Variants in CFAP99 observed in about 807,000 individuals in gnomAD.
The protein encoded by CFAP99 is cilia and flagella associated protein 99, also known as cilia- and flagella-associated protein 99.
In CFAP99, 84 loss-of-function variants were observed where a neutral mutation model predicts 82.7. The ratio of observed to expected loss-of-function variants is 1.02; its 90% CI spans 0.85 to 1.22. The LOEUF (loss-of-function observed/expected upper bound fraction) is 1.22. Among genes scored for constraint, CFAP99 ranks in the 50% most tolerant of loss-of-function variants. The pLI, the probability that CFAP99 is intolerant of heterozygous loss-of-function variation, is 0.00. For synonymous variants in CFAP99, 456 were observed against 429.5 expected, an observed-to-expected ratio of 1.06 and a Z score of -0.76; for missense variants, 1,059 against 983.5, an observed-to-expected ratio of 1.08 and a Z score of -1.03.
At chr4:2,429,508 A>G (rs1578465009) in intron 2 of CFAP99, among the ~76,000 whole-genome samples, 1 of 152,290 alleles carries the variant, frequency 6.6e-6, no homozygotes, top group East Asian at 1.9e-4. Flanking sequence ...GGGGCTGCCC[A>G]GCATGGATCT....
chr4:2,449,742 A>G (rs979816818), exon 7 of CFAP99: 3 of 1,536,078 alleles, frequency 2.0e-6, no homozygotes, highest in African/African-American at 2.7e-5. Context: ...CAACCGCCGA[A>G]AGGCCGAGGT....
At position 2,462,724 on chromosome 4, in the gene CFAP99, G is replaced by A; in HGVS notation, c.1943G>A (p.Arg648Gln). Residue 648 changes from arginine (R) to glutamine (Q), a missense_variant, in exon 15 of 15, where the codon CGG becomes CAG. Arg to Gln is a conservative substitution (Grantham distance 43). Coordinates refer to ENST00000635017, the Ensembl canonical transcript of CFAP99. This position sits in a 1 kb window ranked among gnomAD's most constrained non-coding sequence, Gnocchi z 4.1. ...CGGGGATGGCGGGGAGATCGGGTCCGGTCCGCGGCCGGGAGATACGCAGCG... is the reference window on the plus strand; with the variant it reads ...CGGGGATGGCGGGGAGATCGGGTCCAGTCCGCGGCCGGGAGATACGCAGCG... The A allele has an allele frequency of 1.6e-6, 2 of 1,243,240 alleles. No individual in the cohort carries two copies. Among genetic ancestry groups the A allele is most frequent in the Non-Finnish European group, 2.0e-6 (2 of 990,766 alleles). The allele number at this position is 1,243,240 out of a possible 1,614,324, so 77.0% of individuals were successfully genotyped here.
chr4:2,462,983 A>C, downstream of CFAP99: 1 of 1,004,694 alleles, frequency 1.0e-6, no homozygotes, highest in Non-Finnish European at 1.3e-6. This position sits in a 1 kb window ranked among gnomAD's most constrained non-coding sequence, Gnocchi z 4.1. Flanking sequence ...CGCCGCCCCA[A>C]TAAAGAGTGC....
chr4:2,421,831 C>T (rs1733590973), intron 1 of CFAP99, among the ~76,000 whole-genome samples: 1 of 148,468 alleles, frequency 6.7e-6, no homozygotes, highest in African/African-American at 2.5e-5. Flanking sequence ...CGCTTCAGGC[C>T]AGGAGTTCAA....
chr4:2,433,254 A>T (rs916031373), intron 2 of CFAP99, among the ~76,000 whole-genome samples: 1 of 152,116 alleles, frequency 6.6e-6, no homozygotes, highest in Non-Finnish European at 1.5e-5. Context: ...CCAAACACAG[A>T]CGTCATTGAT....
chr4:2,432,056 T>A (rs1284872348), intron 2 of CFAP99, among the ~76,000 whole-genome samples: 2 of 152,226 alleles, frequency 1.3e-5, no homozygotes. Context: ...TCTTTGCTCA[T>A]ATGAGAAGCA....
At chr4:2,452,614 G>A (rs1399822201) in intron 11 of CFAP99, among the ~76,000 whole-genome samples, 2 of 152,302 alleles carry the variant, frequency 1.3e-5, no homozygotes, top group Admixed American at 6.5e-5. Flanking sequence ...CCAGGAGGCC[G>A]GCCTGTATAC....
intron 11 of CFAP99, among the ~76,000 whole-genome samples, chr4:2,452,590 G>A (rs556374446): frequency 2.6e-5 from 4 of 152,278 alleles, no homozygotes; most frequent in Admixed American, 1.3e-4. Flanking sequence ...CTGGACCAGC[G>A]GGGAGCCTCA....
chr4:2,446,256 G>T lies in CFAP99; in HGVS notation c.642+948G>T, dbSNP rs1029302877. Among the ~76,000 whole-genome samples, 1 of 152,120 alleles carries T rather than the reference G, an allele frequency of 6.6e-6. No homozygotes were observed. The highest frequency in any genetic ancestry group is 1.5e-5 in the Non-Finnish European group (1 of 68,018). ...CTGGCTCCTTTTCTTCACCGAATTG[G>T]AGTTTAGAGTTGTTTAGTAATTTGT... On this transcript the variant is annotated intron_variant, in intron 6 of 14. Coordinates refer to ENST00000635017, the Ensembl canonical transcript of CFAP99. This position sits in a 1 kb window ranked among gnomAD's most constrained non-coding sequence, Gnocchi z 5.0.
rs554719372 is a variant in CFAP99 at position 2,443,118 on chromosome 4, C to A, written c.352-12C>A. On this transcript the variant is annotated splice_polypyrimidine_tract_variant and intron_variant, in intron 4 of 14. Coordinates refer to ENST00000635017, the Ensembl canonical transcript of CFAP99. ...AGGGCTCCGGCCCCCTGACAGCCCC[C>A]GTCCACCCCAGTTCCTCAGGTTCTT... 1.9e-5 allele frequency: 28 copies of A among 1,467,588 alleles called. No homozygotes were observed. In the East Asian group the frequency reaches 5.2e-4, roughly 27 times the overall value. 90.9% of individuals were successfully genotyped at this position (1,467,588 alleles called of 1,614,324 possible).
exon 6 of CFAP99, chr4:2,445,260 C>T (rs1303081074): frequency 7.8e-6 from 11 of 1,414,698 alleles, no homozygotes; most frequent in Non-Finnish European, 9.2e-6. Context: ...CCAGGCCCCG[C>T]ACCATTCCAG....
At chr4:2,434,727 C>T (rs946730203) in intron 2 of CFAP99, among the ~76,000 whole-genome samples, 1 of 152,222 alleles carries the variant, frequency 6.6e-6, no homozygotes, top group African/African-American at 2.4e-5. Context: ...ATCCCCCAAT[C>T]TTGCCCCTAC....
intron 5 of CFAP99, among the ~76,000 whole-genome samples, chr4:2,444,629 C>G (rs1425418078): frequency 6.6e-6 from 1 of 152,086 alleles, no homozygotes; most frequent in African/African-American, 2.4e-5. Flanking sequence ...CGACAGCACC[C>G]CCACCCAGAG....
intron 11 of CFAP99, among the ~76,000 whole-genome samples, chr4:2,457,787 G>C (rs114455979): frequency 6.6e-6 from 1 of 152,240 alleles, no homozygotes; most frequent in Admixed American, 6.5e-5. Context: ...ATTCCGTGCC[G>C]AGGCTGGTGC....
intron 6 of CFAP99, among the ~76,000 whole-genome samples, chr4:2,447,970 T>C (rs1393623797): frequency 6.6e-6 from 1 of 150,908 alleles, no homozygotes; most frequent in East Asian, 2.0e-4. Context: ...GATGGATGGA[T>C]GGATGGATGG....
chr4:2,450,285 A>G (rs1435048505), intron 8 of CFAP99: 1 of 498,002 alleles, frequency 2.0e-6, no homozygotes, highest in Non-Finnish European at 3.7e-6. Context: ...ATGTTCCGTG[A>G]CAAGCATTTC....
intron 6 of CFAP99, among the ~76,000 whole-genome samples, chr4:2,447,808 TAATG>T (rs1294571569): frequency 1.2e-5 from 1 of 84,234 alleles, no homozygotes; most frequent in Non-Finnish European, 2.2e-5. Context: ...GTAGGTGAAT[TAATG>T]GATGGATGGG....
rs778653308 is a variant in CFAP99 at position 2,436,935 on chromosome 4, G to A, written c.173G>A (p.Arg58Gln). ...GTTCTGTCTGGGTGCCTCGAGTACC[G>A]GAAGCTGCTGACCGTCGTGGTGGAT... Residue 58 changes from arginine to glutamine, a missense_variant, in exon 3 of 15, where the codon CGG (arginine) becomes CAG (glutamine). Arg to Gln is a conservative substitution (Grantham distance 43, BLOSUM62 1). Transcript: ENST00000635017. 2.0e-5 allele frequency: 31 copies of A among 1,535,920 alleles called. No individual in the cohort carries two copies. The highest frequency in any genetic ancestry group is 9.8e-5 in the East Asian group (4 of 40,916).
chr4:2,432,566 C>T (rs1733819857), intron 2 of CFAP99, among the ~76,000 whole-genome samples: 1 of 152,164 alleles, frequency 6.6e-6, no homozygotes, highest in African/African-American at 2.4e-5. Flanking sequence ...CCTGGCCCCA[C>T]ACCCCTCCCC....
Sources: allele counts gnomAD v4.1 joint callset (sites outside exome capture counted in the v4.1 genomes callset), GRCh38; gene constraint gnomAD v4.1.1; non-coding constraint Gnocchi (gnomAD v3.1); transcripts MANE v1.5; gene names NCBI Gene and HGNC (gene_info 2026-07-23, HGNC 2026-07-21).